PRR11: variants seen among roughly 807,000 people sequenced by gnomAD.
PRR11 encodes the protein proline-rich protein 11.
In PRR11, 30 loss-of-function variants were observed where a neutral mutation model predicts 45.6. That is an observed-to-expected ratio of 0.66 (90% CI 0.49 to 0.89). The LOEUF (loss-of-function observed/expected upper bound fraction) is 0.89, where lower values mean the gene tolerates loss of function less well. PRR11 is among the 40% of genes least tolerant of loss of function. PRR11 has a pLI of 0.00. For missense variants in PRR11, 373 were observed against 424.8 expected (o/e 0.88, Z 1.07); for synonymous variants, 128 against 153.5 (o/e 0.83, Z 1.23).
At chr17:59,172,393 T>C (rs1362941852) in intron 2 of PRR11, among the ~76,000 whole-genome samples, 2 of 152,240 alleles carry the variant, frequency 1.3e-5, no homozygotes, top group African/African-American at 4.8e-5. Context: ...TCGCTTTCCG[T>C]GCCTCCTCAC....
At chr17:59,166,178 T>C (rs1038003627) in intron 1 of PRR11, among the ~76,000 whole-genome samples, 1 of 152,144 alleles carries the variant, frequency 6.6e-6, no homozygotes, top group African/African-American at 2.4e-5. Flanking sequence ...GCTGAGCAAG[T>C]ATAGTGCTGC....
intron 2 of PRR11, among the ~76,000 whole-genome samples, chr17:59,181,965 T>A (rs1337185459): frequency 6.6e-6 from 1 of 151,744 alleles, no homozygotes; most frequent in Non-Finnish European, 1.5e-5. Context: ...CACTTCTTCA[T>A]GTCCTTCCCT....
intron 4 of PRR11, among the ~76,000 whole-genome samples, chr17:59,192,019 A>T (rs1378158364): frequency 6.6e-6 from 1 of 152,208 alleles, no homozygotes; most frequent in African/African-American, 2.4e-5. Context: ...TAATCCCCAG[A>T]ACCTGTAAAT....
At chr17:59,187,444 C>T (rs1340461328) in intron 4 of PRR11, among the ~76,000 whole-genome samples, 1 of 152,020 alleles carries the variant, frequency 6.6e-6, no homozygotes, top group Non-Finnish European at 1.5e-5. Context: ...TTAGTGCATG[C>T]CTGTAATCCC....
chr17:59,186,381 ATTTTTTTTTTTTT>A (rs59082405), intron 4 of PRR11, among the ~76,000 whole-genome samples: 13 of 84,662 alleles, frequency 1.5e-4, no homozygotes, highest in Admixed American at 3.1e-4. Context: ...GCTGTTTGTA[ATTTTTTTTTTTTT>A]TTTTTTTTTT....
intron 4 of PRR11, 61 bp from the exon 5 acceptor site, chr17:59,193,431 C>G (rs958959855): frequency 1.9e-6 from 3 of 1,598,418 alleles, no homozygotes; most frequent in South Asian, 1.1e-5. Flanking sequence ...TTTGATGACT[C>G]TCACCCTCAA....
At chr17:59,198,851 A>G (rs1413922198) in intron 9 of PRR11, among the ~76,000 whole-genome samples, 1 of 152,134 alleles carries the variant, frequency 6.6e-6, no homozygotes, top group African/African-American at 2.4e-5. Context: ...AAAGAAAAAA[A>G]AGAACTATAG....
chr17:59,174,499 A>G (rs1248101487), intron 2 of PRR11, among the ~76,000 whole-genome samples: 1 of 152,190 alleles, frequency 6.6e-6, no homozygotes, highest in Non-Finnish European at 1.5e-5. Flanking sequence ...TTTTTGAGTC[A>G]GGGTCTCACT....
chr17:59,176,182 C>T (rs2046744350), intron 2 of PRR11, among the ~76,000 whole-genome samples: 2 of 152,048 alleles, frequency 1.3e-5, no homozygotes, highest in South Asian at 2.1e-4. Flanking sequence ...AACGCAAAGT[C>T]GAGTGGAGGG....
intron 2 of PRR11, among the ~76,000 whole-genome samples, chr17:59,181,180 G>A (rs192910981): frequency 7.3e-5 from 11 of 151,342 alleles, no homozygotes; most frequent in Admixed American, 6.6e-4. Flanking sequence ...TAGAAAGACT[G>A]TGTTTCACCA....
intron 1 of PRR11, among the ~76,000 whole-genome samples, chr17:59,169,202 G>T (rs555447116): frequency 2.6e-4 from 39 of 149,330 alleles, no homozygotes; most frequent in African/African-American, 9.7e-4. Context: ...GAGTTCAAGC[G>T]ATTCTCCTAC....
intron 1 of PRR11, chr17:59,160,986 C>T (rs2046648858): frequency 6.6e-6 from 1 of 151,832 alleles, no homozygotes; most frequent in Non-Finnish European, 1.5e-5. Context: ...ATCCTCCCAC[C>T]TCCACCTCAG....
intron 2 of PRR11, among the ~76,000 whole-genome samples, chr17:59,172,874 C>A (rs1378970686): frequency 1.3e-5 from 2 of 152,256 alleles, no homozygotes; most frequent in African/African-American, 4.8e-5. Context: ...CAGCACCCAT[C>A]GCATGCCCGC....
At chr17:59,182,357 C>CCTCAGGTT (rs1555716698) in intron 2 of PRR11, among the ~76,000 whole-genome samples, 1 of 149,450 alleles carries the variant, frequency 6.7e-6, no homozygotes, top group Non-Finnish European at 1.5e-5. Flanking sequence ...CATACACCCT[C>CCTCAGGTT]CTCAGGTTCT....
chr17:59,174,392 A>G (rs2046730654), intron 2 of PRR11, among the ~76,000 whole-genome samples: 2 of 152,230 alleles, frequency 1.3e-5, no homozygotes, highest in Non-Finnish European at 2.9e-5. Context: ...TTAGCTGCAC[A>G]AGATGTGAAC....
intron 2 of PRR11, among the ~76,000 whole-genome samples, chr17:59,180,981 C>T (rs1229221508): frequency 2.0e-5 from 3 of 151,332 alleles, no homozygotes; most frequent in African/African-American, 7.3e-5. Flanking sequence ...ACCAAACTTT[C>T]TTTTTTTGTT....
chr17:59,181,654 G>A (rs959494592), intron 2 of PRR11: 99 of 1,520,950 alleles, frequency 6.5e-5, no homozygotes, highest in Non-Finnish European at 8.1e-5. Flanking sequence ...CTTCTCTGGC[G>A]CCTCCTCCGA....
Position 59,205,248 on chromosome 17 carries a change from T to C in PRR11, c.*3617T>C, listed in dbSNP as rs2046912395. 6.6e-6 allele frequency among the ~76,000 whole-genome samples: 1 copy of C among 152,052 alleles called. No individual in the cohort carries two copies. On this transcript the variant is annotated 3_prime_UTR_variant, in exon 10 of 10. Transcript: ENST00000262293. Reference sequence around the variant, plus strand: ...GTGCTATGGCTTCCTTAAACTACGATTTATCATATGCTCCCGGTGTTTACT... The same window carrying C: ...GTGCTATGGCTTCCTTAAACTACGACTTATCATATGCTCCCGGTGTTTACT...
In PRR11 at chr17:59,164,656, G is replaced by A. The variant is rs149428642; in HGVS notation, c.-5-5092G>A. 8.9e-3 allele frequency among the ~76,000 whole-genome samples: 1,358 copies of A among 152,166 alleles called. 8 individuals are homozygous for A. Among genetic ancestry groups the A allele is most frequent in the Middle Eastern group, 0.017 (5 of 294 alleles). On this transcript the variant is annotated intron_variant, in intron 1 of 9. Transcript: ENST00000262293. ...CATTTGTCTATAGAAGGTCCTGGCC[G>A]TACAGGACTTCAAGACCAGCCTGGC...
Sources: gnomAD v4.1 joint callset for allele counts (sites outside exome capture counted in the v4.1 genomes callset) on GRCh38, gnomAD v4.1.1 for gene constraint, MANE v1.5 for transcripts, NCBI Gene and HGNC (gene_info 2026-07-23, HGNC 2026-07-21) for gene names.